Variants in STAT4 observed in about 807,000 individuals in gnomAD.
STAT4 encodes the protein signal transducer and activator of transcription 4.
Under a neutral mutation model 110.5 loss-of-function variants are expected in STAT4, and 42 were observed. That is an observed-to-expected ratio of 0.38 (90% CI 0.30 to 0.49). STAT4 has a LOEUF of 0.49. Ranked by LOEUF, STAT4 falls within the 20% of genes least tolerant of loss-of-function variation. STAT4 has a pLI of 0.95. For synonymous variants in STAT4, 284 were observed against 302.2 expected, an observed-to-expected ratio of 0.94 and a Z score of 0.63; for missense variants, 632 against 887.9, an observed-to-expected ratio of 0.71 and a Z score of 3.66.
chr2:191,135,384 T>C lies in STAT4; in HGVS notation c.273+11229A>G, dbSNP rs367651290. Among the ~76,000 whole-genome samples the C allele has an allele frequency of 4.6e-5, 7 of 152,168 alleles. No individual in the cohort carries two copies. The highest frequency in any genetic ancestry group is 8.8e-5 in the Non-Finnish European group (6 of 68,030). On this transcript the variant is annotated intron_variant, in intron 3 of 23. Coordinates refer to ENST00000392320, the MANE Select transcript of STAT4 (RefSeq NM_003151.4). The surrounding 1 kb of genome is among the most constrained non-coding windows in gnomAD (Gnocchi z 4.8). ...CAAAAAGACCTGAACAGACTAATAA[T>C]GAGTAAGGAGATTGAATTAGTAAGT...
At chr2:191,057,655 C>T (rs1180152614) in intron 13 of STAT4, among the ~76,000 whole-genome samples, 2 of 144,954 alleles carry the variant, frequency 1.4e-5, no homozygotes, top group Non-Finnish European at 3.0e-5. Flanking sequence ...CTGGAGTGCA[C>T]TGGCACGATC....
chr2:191,115,994 G>T (rs1698560011), intron 3 of STAT4, among the ~76,000 whole-genome samples: 1 of 152,162 alleles, frequency 6.6e-6, no homozygotes, highest in Admixed American at 6.5e-5. Context: ...ACTTCCTGCA[G>T]GAGTAAGGTA....
chr2:191,069,586 G>A (rs1468917103), intron 6 of STAT4, 107 bp downstream of exon 6: 1 of 830,524 alleles, frequency 1.2e-6, no homozygotes, highest in African/African-American at 1.7e-5. Context: ...ATTTCCCTAG[G>A]CTCACCTAAG....
intron 3 of STAT4, among the ~76,000 whole-genome samples, chr2:191,097,595 C>T (rs535937454): frequency 3.3e-5 from 5 of 152,272 alleles, no homozygotes; most frequent in African/African-American, 1.2e-4. Context: ...GGATCCCTTC[C>T]TTACACCTTA....
intron 3 of STAT4, among the ~76,000 whole-genome samples, chr2:191,079,986 C>T (rs946423826): frequency 6.6e-6 from 1 of 152,040 alleles, no homozygotes; most frequent in Admixed American, 6.6e-5. Context: ...TGCATCCTTG[C>T]TGATTTTTCT....
chr2:191,083,505 C>T lies in STAT4; in HGVS notation c.274-7180G>A, dbSNP rs1448023255. On this transcript the variant is annotated intron_variant, in intron 3 of 23. Transcript: ENST00000392320. This position sits in a 1 kb window ranked among gnomAD's most constrained non-coding sequence, Gnocchi z 4.6. Reference sequence around the variant, plus strand: ...CTGCTGTACCAGCTCTTCTCCTAACCCCAATTTGAGAACTTTTTGACTTCT... The same window carrying T: ...CTGCTGTACCAGCTCTTCTCCTAACTCCAATTTGAGAACTTTTTGACTTCT... 1.3e-5 allele frequency among the ~76,000 whole-genome samples: 2 copies of T among 152,168 alleles called. No individual in the cohort carries two copies. The highest frequency in any genetic ancestry group is 2.9e-5 in the Non-Finnish European group (2 of 68,028).
At chr2:191,131,743 T>G (rs1171410905) in intron 3 of STAT4, 3 of 1,267,712 alleles carry the variant, frequency 2.4e-6, no homozygotes, top group East Asian at 6.3e-5. Context: ...TTAGAAGGAA[T>G]AGATGGGTAC....
At chr2:191,067,569 A>G (rs963068642) in intron 6 of STAT4, among the ~76,000 whole-genome samples, 1 of 152,196 alleles carries the variant, frequency 6.6e-6, no homozygotes, top group Admixed American at 6.6e-5. Context: ...GGGTCCATTC[A>G]TTAACTTTAA....
At chr2:191,056,069 A>G (rs1696682287) in intron 13 of STAT4, among the ~76,000 whole-genome samples, 2 of 152,248 alleles carry the variant, frequency 1.3e-5, no homozygotes, top group Admixed American at 6.5e-5. Flanking sequence ...ATACTCCTCA[A>G]TACTAAAAAC....
At chr2:191,129,018 G>A (rs1428534506) in intron 3 of STAT4, among the ~76,000 whole-genome samples, 3 of 152,036 alleles carry the variant, frequency 2.0e-5, no homozygotes, top group Admixed American at 6.6e-5. Flanking sequence ...GAATTTTTTC[G>A]ACTGTGAGCT....
Position 191,073,171 on chromosome 2 carries a change from A to G in STAT4, c.392T>C (p.Leu131Ser). ...MPVQGPLEKSLQSSSVSERQR... is the reference protein window; with the variant it reads ...MPVQGPLEKSSQSSSVSERQR... ...TCTTTCTGAAACTGAAGAACTTTGT[A>G]AGGATTTCTCTAGAGGCCCCTGGAA... Residue 131 changes from leucine (L) to serine (S), a missense_variant, in exon 5 of 24, where the codon TTA becomes TCA. Physicochemically the swap from Leu to Ser is moderately radical, Grantham distance 145 (BLOSUM62 -2). This residue lies in a region of STAT4 where 488 missense variants were observed against 632.8 expected (regional missense o/e 0.77). Coordinates refer to ENST00000392320, the MANE Select transcript of STAT4 (RefSeq NM_003151.4). The G allele has an allele frequency of 6.2e-7, 1 of 1,613,962 alleles. No individual in the cohort carries two copies. The highest frequency in any genetic ancestry group is 8.5e-7 in the Non-Finnish European group (1 of 1,179,920).
At chr2:191,141,822 G>C (rs1162677102) in intron 3 of STAT4, among the ~76,000 whole-genome samples, 1 of 151,580 alleles carries the variant, frequency 6.6e-6, no homozygotes, top group East Asian at 1.9e-4. Context: ...GTAGAGACAG[G>C]GTTTTGCCAT....
chr2:191,093,899 C>T (rs571169616), intron 3 of STAT4, among the ~76,000 whole-genome samples: 34 of 152,218 alleles, frequency 2.2e-4, no homozygotes, highest in African/African-American at 8.2e-4. Flanking sequence ...CTTAAATGAT[C>T]CGATGTTGCT....
chr2:191,090,710 G>A lies in STAT4; in HGVS notation c.274-14385C>T, dbSNP rs995533589. ...CGAGCAGCTGGGACTAGAGGCACCC[G>A]CCACCATGCCCGGCTAATTTTTTGT... On this transcript the variant is annotated intron_variant, in intron 3 of 23. Transcript: ENST00000392320. This position sits in a 1 kb window ranked among gnomAD's most constrained non-coding sequence, Gnocchi z 4.2. Among the ~76,000 whole-genome samples the A allele has an allele frequency of 7.2e-5, 11 of 152,048 alleles. No individual in the cohort carries two copies. Among genetic ancestry groups the A allele is most frequent in the African/African-American group, 2.7e-4 (11 of 41,464 alleles).
At position 191,066,405 on chromosome 2, in the gene STAT4, G is replaced by C. The variant is rs1696987573; in HGVS notation, c.630+25C>G. 1 of 1,597,006 alleles carries C rather than the reference G, an allele frequency of 6.3e-7. No homozygotes were observed. Among genetic ancestry groups the C allele is most frequent in the Non-Finnish European group, 8.6e-7 (1 of 1,165,410 alleles). On this transcript the variant is annotated intron_variant, in intron 7 of 23. Transcript: ENST00000392320. The surrounding 1 kb of genome is among the most constrained non-coding windows in gnomAD (Gnocchi z 4.3). Reference sequence around the variant, plus strand: ...GAAAAAAGGAGAAAAATAGGCAAAAGCCCAAATTAAAATTCTTCACTAACC... The same window carrying C: ...GAAAAAAGGAGAAAAATAGGCAAAACCCCAAATTAAAATTCTTCACTAACC...
chr2:191,036,367 G>A lies in STAT4; in HGVS notation c.1435-68C>T, dbSNP rs1270472187. 3.9e-6 allele frequency: 6 copies of A among 1,529,564 alleles called. No homozygotes were observed. In the East Asian group the frequency reaches 6.9e-5, roughly 18 times the overall value. 94.7% of individuals were successfully genotyped at this position (1,529,564 alleles called of 1,614,324 possible). On this transcript the variant is annotated intron_variant, in intron 16 of 23. Transcript: ENST00000392320. ...TGGGTAGCTAGTGAGGTGTGAGCAG[G>A]GCAAGAGAGGTCTCCCCCTCTCCCC...
At position 191,064,940 on chromosome 2, in the gene STAT4, T is replaced by C; in HGVS notation, c.649A>G (p.Thr217Ala). ...FKRKEALSKMTQIIHETDLLM... is the reference protein window; with the variant it reads ...FKRKEALSKMAQIIHETDLLM... Reference sequence around the variant, plus strand: ...AGGTCTGTCTCATGGATGATTTGGGTCATTTTACTGAGAGCCTCCTAAAAA... The same window carrying C: ...AGGTCTGTCTCATGGATGATTTGGGCCATTTTACTGAGAGCCTCCTAAAAA... The change falls in exon 8 of 24, where the codon ACC (threonine) becomes GCC (alanine). Residue 217 changes from threonine (T) to alanine (A), a missense_variant. Thr to Ala is a moderately conservative substitution (Grantham distance 58). This residue lies in a region of STAT4 where 488 missense variants were observed against 632.8 expected (regional missense o/e 0.77). Transcript: ENST00000392320. 6.2e-7 allele frequency: 1 copy of C among 1,604,168 alleles called. No individual in the cohort carries two copies.
intron 3 of STAT4, among the ~76,000 whole-genome samples, chr2:191,084,982 T>C (rs1171234178): frequency 6.6e-6 from 1 of 151,930 alleles, no homozygotes; most frequent in African/African-American, 2.4e-5. Flanking sequence ...AAAAAAGTAG[T>C]TTTTCTCTCG....
At chr2:191,092,547 A>T (rs1181625900) in intron 3 of STAT4, among the ~76,000 whole-genome samples, 1 of 152,140 alleles carries the variant, frequency 6.6e-6, no homozygotes, top group Non-Finnish European at 1.5e-5. Context: ...GTAGATTTTT[A>T]AAGATTTTAA....
Sources: gnomAD v4.1 joint callset for allele counts (sites outside exome capture counted in the v4.1 genomes callset) on GRCh38, gnomAD v4.1.1 for gene constraint, gnomAD v4.1.1 regional missense constraint, Gnocchi (gnomAD v3.1) non-coding constraint, MANE v1.5 for transcripts, NCBI Gene and HGNC (gene_info 2026-07-23, HGNC 2026-07-21) for gene names.